The following RANBP17 variants were observed in gnomAD, a reference collection of about 807,000 sequenced individuals.
RANBP17 encodes the protein ran-binding protein 17.
A neutral mutation model predicts 141.2 loss-of-function variants in RANBP17; 158 were observed. The ratio of observed to expected loss-of-function variants is 1.12; its 90% confidence interval spans 0.98 to 1.28. RANBP17 has a LOEUF of 1.28. Ranked by LOEUF, RANBP17 falls within the 50% of genes most tolerant of loss-of-function variation. The pLI is 0.00. For synonymous variants in RANBP17, 430 were observed against 450.0 expected, an observed-to-expected ratio of 0.96 and a Z score of 0.56; for missense variants, 1,438 against 1,290.7, an observed-to-expected ratio of 1.11 and a Z score of -1.75.
Position 170,878,150 on chromosome 5 carries a change from T to C in RANBP17, c.72T>C (p.Leu24=). ...CTCATCTCTACATAGGGACTGATCT[T>C]ACACAAAGAATAGAGGCTGAGAAAG... The part of the protein sequence containing the change: ...LCTHLYIGTD[L]TQRIEAEKAL... The change falls in exon 2 of 28, where the codon CTT becomes CTC. Residue 24 remains leucine, a synonymous_variant. Coordinates refer to ENST00000523189, the MANE Select transcript of RANBP17 (RefSeq NM_022897.5). The C allele has an allele frequency of 6.2e-7, 1 of 1,613,008 alleles. No individual in the cohort carries two copies. The highest frequency in any genetic ancestry group is 1.7e-5 in the Admixed American group (1 of 59,930).
intron 13 of RANBP17, among the ~76,000 whole-genome samples, chr5:170,963,283 AAAT>A (rs1052478568): frequency 7.2e-5 from 11 of 152,226 alleles, no homozygotes; most frequent in African/African-American, 2.7e-4. Context: ...CATCTTTAAA[AAAT>A]AATGTTAGCT....
rs111256082 is a variant in RANBP17, at chr5:171,199,741, T to C, written c.2110T>C (p.Phe704Leu). ...TGCTTTTGAAACAGTATTACAAATA[T>C]TCAACAACAACTTTAAACAAGAAGA... is the stretch of plus-strand genomic sequence containing the variant. ...TVAFETVLQI[F>L]NNNFKQEDVK... The change falls in exon 19 of 28, where the codon TTC (phenylalanine) becomes CTC (leucine). Residue 704 changes from phenylalanine to leucine, a missense_variant. Transcript: ENST00000523189. 2.1e-5 allele frequency: 33 copies of C among 1,608,244 alleles called. No individual in the cohort carries two copies. In the African/African-American group the frequency reaches 2.9e-4, roughly 14 times the overall value.
chr5:171,284,329 G>A (rs940797784), intron 25 of RANBP17, among the ~76,000 whole-genome samples: 2 of 151,690 alleles, frequency 1.3e-5, no homozygotes, highest in South Asian at 2.1e-4. Context: ...ATTTTATTTT[G>A]TTTATTTATT....
In RANBP17 at chr5:171,242,828, T is replaced by A. The variant is rs761719653; in HGVS notation, c.2776+8T>A. 1.2e-6 allele frequency: 2 copies of A among 1,612,896 alleles called. No individual in the cohort carries two copies. The highest frequency in any genetic ancestry group is 2.2e-5 in the South Asian group (2 of 90,904). ...AGGGACTCACTACTCTTGGTAAGGATCATAGAGGACATTGTTTCCATAGGA... is the reference window on the plus strand; with the variant it reads ...AGGGACTCACTACTCTTGGTAAGGAACATAGAGGACATTGTTTCCATAGGA... On this transcript the variant is annotated splice_region_variant and intron_variant, in intron 24 of 27. Coordinates refer to ENST00000523189, the MANE Select transcript of RANBP17 (RefSeq NM_022897.5).
chr5:171,258,344 C>G, intron 24 of RANBP17, among the ~76,000 whole-genome samples: 1 of 152,076 alleles, frequency 6.6e-6, no homozygotes, highest in East Asian at 1.9e-4. Context: ...TAATCCCTAT[C>G]AAAATACCAT....
In RANBP17 at chr5:171,213,672, G is replaced by A. The variant is rs149025321; in HGVS notation, c.2273G>A (p.Arg758Gln). 535 of 1,613,776 alleles carry A rather than the reference G, an allele frequency of 3.3e-4. 1 individual carries two copies. The Middle Eastern group carries it at 6.3e-3, about 19-fold the overall frequency. The change falls in exon 21 of 28, where the codon CGG becomes CAG. Residue 758 changes from arginine to glutamine, a missense_variant. Physicochemically the swap from Arg to Gln is conservative, Grantham distance 43. Coordinates refer to ENST00000523189, the MANE Select transcript of RANBP17 (RefSeq NM_022897.5). ...YLPLLQNAVE[R>Q]WYGEPTCTTP... is the part of the protein sequence containing the mutation. ...CCCCTTCTTCAGAATGCTGTTGAAC[G>A]GTGGTATGGAGAGCCAACATGTACA...
intron 14 of RANBP17, among the ~76,000 whole-genome samples, chr5:171,128,676 A>G (rs1756677351): frequency 6.6e-6 from 1 of 152,242 alleles, no homozygotes; most frequent in East Asian, 1.9e-4. Flanking sequence ...TTCCCATCAC[A>G]AAGAAGTGAC....
intron 14 of RANBP17, among the ~76,000 whole-genome samples, chr5:171,118,529 A>G (rs1234442403): frequency 1.3e-5 from 2 of 152,100 alleles, no homozygotes; most frequent in African/African-American, 4.8e-5. Context: ...ATCCATGAGC[A>G]TAGGATGTTT....
At chr5:171,029,505 G>A (rs78738649) in intron 14 of RANBP17, among the ~76,000 whole-genome samples, 1,591 of 152,162 alleles carry the variant, frequency 0.01, 22 homozygotes, top group African/African-American at 0.036. Flanking sequence ...TGGTCATCAC[G>A]GAGGTCTTTG....
chr5:171,060,621 T>C (rs1016365456), intron 14 of RANBP17, among the ~76,000 whole-genome samples: 1 of 152,140 alleles, frequency 6.6e-6, no homozygotes, highest in African/African-American at 2.4e-5. Flanking sequence ...GGTCTAAAAT[T>C]CTCTTTTTTG....
chr5:171,233,336 C>T (rs940216581), intron 22 of RANBP17, among the ~76,000 whole-genome samples: 1 of 152,216 alleles, frequency 6.6e-6, no homozygotes, highest in African/African-American at 2.4e-5. Flanking sequence ...CTTTAGAAGA[C>T]AGTTTGGCAG....
At chr5:171,149,965 TG>T (rs1360338195) in intron 14 of RANBP17, among the ~76,000 whole-genome samples, 3 of 152,106 alleles carry the variant, frequency 2.0e-5, no homozygotes, top group African/African-American at 7.2e-5. Flanking sequence ...TGAACAGATG[TG>T]GGGGTAGGGG....
At chr5:171,152,354 G>A (rs1284511251) in intron 14 of RANBP17, among the ~76,000 whole-genome samples, 1 of 151,504 alleles carries the variant, frequency 6.6e-6, no homozygotes, top group Non-Finnish European at 1.5e-5. Flanking sequence ...GGGAGGCGGA[G>A]GTTGCAGTGA....
chr5:171,047,263 C>T (rs536408669), intron 14 of RANBP17, among the ~76,000 whole-genome samples: 35 of 151,472 alleles, frequency 2.3e-4, no homozygotes, highest in Non-Finnish European at 4.1e-4. Flanking sequence ...TGTGATCCAC[C>T]CACCTCGGCA....
chr5:170,868,966 A>C (rs565736055), intron 1 of RANBP17, among the ~76,000 whole-genome samples: 1 of 152,174 alleles, frequency 6.6e-6, no homozygotes, highest in South Asian at 2.1e-4. Context: ...CCCTTTCTCT[A>C]AAAAGGTTTT....
chr5:171,248,296 G>A (rs1765344786), intron 24 of RANBP17, among the ~76,000 whole-genome samples: 1 of 151,636 alleles, frequency 6.6e-6, no homozygotes, highest in Non-Finnish European at 1.5e-5. Flanking sequence ...GAACCCGGGA[G>A]GTGGAGCTTG....
Position 170,945,798 on chromosome 5 carries a change from T to C in RANBP17, c.1469-7799T>C, listed in dbSNP as rs1774698658. On this transcript the variant is annotated intron_variant, in intron 12 of 27. Transcript: ENST00000523189. ...CAGCTATATCAACAAGTATTCATTT[T>C]ATGTGTCTTGTTTTGGGAATCAAAA... 2.6e-5 allele frequency among the ~76,000 whole-genome samples: 4 copies of C among 152,190 alleles called. No homozygotes were observed. The South Asian group carries it at 8.3e-4, about 32-fold the overall frequency.
intron 25 of RANBP17, among the ~76,000 whole-genome samples, chr5:171,288,284 G>T (rs191974465): frequency 3.9e-5 from 6 of 152,294 alleles, no homozygotes; most frequent in Admixed American, 3.9e-4. Context: ...TTCAGTGGTG[G>T]CCTCACTCAT....
chr5:171,141,521 G>T (rs1757694659), intron 14 of RANBP17, among the ~76,000 whole-genome samples: 1 of 150,080 alleles, frequency 6.7e-6, no homozygotes, highest in African/African-American at 2.5e-5. Flanking sequence ...GGAGGAGAAT[G>T]GCGTGAACCT....
Sources: gnomAD v4.1 joint callset for allele counts (sites outside exome capture counted in the v4.1 genomes callset) on GRCh38, gnomAD v4.1.1 for gene constraint, MANE v1.5 for transcripts, NCBI Gene and HGNC (gene_info 2026-07-23, HGNC 2026-07-21) for gene names.